The following HCRTR2 variants were observed in gnomAD, a reference collection of about 807,000 sequenced individuals.
The protein encoded by HCRTR2 is hypocretin receptor 2.
Under a neutral mutation model 49.0 loss-of-function variants are expected in HCRTR2, and 22 were observed. The ratio of observed to expected loss-of-function variants is 0.45; its 90% CI spans 0.32 to 0.64. The LOEUF is 0.64. Among genes scored for constraint, HCRTR2 ranks in the 30% least tolerant of loss-of-function variants. The pLI, the probability that HCRTR2 is intolerant of heterozygous loss-of-function variation, is 0.04. For missense variants in HCRTR2, 491 were observed against 559.4 expected, an observed-to-expected ratio of 0.88 and a Z score of 1.23; for synonymous variants, 236 against 205.3, an observed-to-expected ratio of 1.15 and a Z score of -1.28.
intron 4 of HCRTR2, among the ~76,000 whole-genome samples, chr6:55,274,004 A>T (rs1270060781): frequency 6.6e-6 from 1 of 151,892 alleles, no homozygotes; most frequent in Non-Finnish European, 1.5e-5. Flanking sequence ...TTCTTTTTTT[A>T]AATTGCTTTG....
chr6:55,185,777 C>T (rs1190686254), intron 1 of HCRTR2, among the ~76,000 whole-genome samples: 1 of 152,168 alleles, frequency 6.6e-6, no homozygotes, highest in African/African-American at 2.4e-5. Flanking sequence ...AACAGCCAAA[C>T]AAGAAGGCGC....
At chr6:55,169,626 C>T (rs7756097), upstream of HCRTR2, among the ~76,000 whole-genome samples, 71,994 of 151,910 alleles carry the variant, frequency 0.47, 18,114 homozygotes, top group East Asian at 0.81. Flanking sequence ...CCTAGAGGTG[C>T]CAGATAACTT....
intron 1 of HCRTR2, among the ~76,000 whole-genome samples, chr6:55,208,576 C>T (rs979984566): frequency 1.3e-5 from 2 of 151,576 alleles, no homozygotes; most frequent in African/African-American, 4.8e-5. Context: ...AAGATTATGT[C>T]TTTTGATGGA....
intron 1 of HCRTR2, among the ~76,000 whole-genome samples, chr6:55,121,083 G>T (rs1042214198): frequency 2.0e-5 from 3 of 152,026 alleles, no homozygotes; most frequent in African/African-American, 7.2e-5. Flanking sequence ...CCAATTTCAT[G>T]ATATTGATTC....
At chr6:55,197,445 A>G (rs537311447) in intron 1 of HCRTR2, among the ~76,000 whole-genome samples, 37 of 152,134 alleles carry the variant, frequency 2.4e-4, no homozygotes, top group Middle Eastern at 6.8e-3. Context: ...TTATCTTGAA[A>G]CTCAACCTTT....
intron 1 of HCRTR2, 149 bp downstream of exon 1, chr6:55,174,959 A>G (rs907677435): frequency 2.1e-5 from 13 of 627,558 alleles, no homozygotes; most frequent in Non-Finnish European, 3.7e-5. Context: ...AATAATAATA[A>G]TAATAGAAAG....
At chr6:55,153,652 T>A (rs1013128389) in intron 1 of HCRTR2, among the ~76,000 whole-genome samples, 6 of 151,960 alleles carry the variant, frequency 3.9e-5, no homozygotes, top group Admixed American at 1.3e-4. Context: ...AAGTGTGATA[T>A]CTCTAGCTGT....
In HCRTR2 at chr6:55,243,251, G is replaced by A. The variant is rs916267043; in HGVS notation, c.224-5388G>A. Reference sequence around the variant, plus strand: ...TTCTTGCCTTCTGCTATCCTCTTTTGCCCTCATTTGCTCAATTATTCCTCA... The same window carrying A: ...TTCTTGCCTTCTGCTATCCTCTTTTACCCTCATTTGCTCAATTATTCCTCA... On this transcript the variant is annotated intron_variant, in intron 1 of 6. Transcript: ENST00000370862. Among the ~76,000 whole-genome samples, 6 of 152,258 alleles carry A rather than the reference G, an allele frequency of 3.9e-5. No individual in the cohort carries two copies. In the South Asian group the frequency reaches 8.3e-4, roughly 21 times the overall value.
At chr6:55,197,161 T>C (rs988238443) in intron 1 of HCRTR2, among the ~76,000 whole-genome samples, 1 of 152,166 alleles carries the variant, frequency 6.6e-6, no homozygotes, top group Admixed American at 6.5e-5. Context: ...ATTTTATCTC[T>C]ATACCCAACT....
chr6:55,245,296 T>C lies in HCRTR2; in HGVS notation c.224-3343T>C, dbSNP rs190289797. On this transcript the variant is annotated intron_variant, in intron 1 of 6. Transcript: ENST00000370862. ...CCAATAGCTTTCTTTATAAATATCT[T>C]TTTTTCTTTTTATTTCTTCTTAGGA... 4.0e-5 allele frequency among the ~76,000 whole-genome samples: 6 copies of C among 149,936 alleles called. No homozygotes were observed. The Admixed American group carries it at 4.0e-4, about 10-fold the overall frequency.
intron 1 of HCRTR2, among the ~76,000 whole-genome samples, chr6:55,160,346 T>C (rs1024240449): frequency 1.4e-4 from 22 of 152,030 alleles, no homozygotes; most frequent in African/African-American, 5.3e-4. Flanking sequence ...GCACTAAATA[T>C]GAAAAGGAAA....
rs555106638 is a variant in HCRTR2, at chr6:55,278,558, T to G, written c.983+958T>G. Among the ~76,000 whole-genome samples, 4 of 152,162 alleles carry G rather than the reference T, an allele frequency of 2.6e-5. No individual in the cohort carries two copies. In the South Asian group the frequency reaches 8.3e-4, roughly 32 times the overall value. ...TTTGATGGTTTAACGGCTTTTTCAA[T>G]GGAGAAGAAATGGAGAACAAACTTC... On this transcript the variant is annotated intron_variant, in intron 5 of 6. Transcript: ENST00000370862.
At chr6:55,247,993 G>A (rs1766478290) in intron 1 of HCRTR2, among the ~76,000 whole-genome samples, 1 of 152,058 alleles carries the variant, frequency 6.6e-6, no homozygotes, top group Non-Finnish European at 1.5e-5. Context: ...TATTTTGTGA[G>A]CCCATATGTC....
At chr6:55,237,877 AC>A (rs1238187167) in intron 1 of HCRTR2, among the ~76,000 whole-genome samples, 1 of 152,194 alleles carries the variant, frequency 6.6e-6, no homozygotes, top group East Asian at 1.9e-4. Flanking sequence ...GATATTCTCA[AC>A]CAGGAGTATG....
intron 4 of HCRTR2, among the ~76,000 whole-genome samples, chr6:55,267,483 A>G (rs1766882688): frequency 7.5e-6 from 1 of 133,112 alleles, no homozygotes; most frequent in African/African-American, 2.9e-5. Context: ...TTATTTTTTT[A>G]AAGAACTTAG....
chr6:55,226,327 GA>G (rs770327372), intron 1 of HCRTR2, among the ~76,000 whole-genome samples: 17 of 151,616 alleles, frequency 1.1e-4, no homozygotes, highest in Non-Finnish European at 1.5e-5. Flanking sequence ...TTTTTCTTTT[GA>G]GACAAAGTCT....
intron 3 of HCRTR2, among the ~76,000 whole-genome samples, chr6:55,259,050 T>G (rs1766706160): frequency 6.6e-6 from 1 of 152,104 alleles, no homozygotes; most frequent in Admixed American, 6.6e-5. Context: ...GACACCATCT[T>G]CAAAAAGAGA....
intron 6 of HCRTR2, among the ~76,000 whole-genome samples, chr6:55,280,804 T>C (rs1312752790): frequency 2.6e-5 from 4 of 152,224 alleles, no homozygotes; most frequent in Non-Finnish European, 5.9e-5. Context: ...CCAAAATGTG[T>C]AGCCTAATTG....
intron 1 of HCRTR2, among the ~76,000 whole-genome samples, chr6:55,133,603 G>A (rs1360769595): frequency 6.6e-6 from 1 of 151,780 alleles, no homozygotes; most frequent in Non-Finnish European, 1.5e-5. Flanking sequence ...ATGAAACATT[G>A]TACGTTCTAA....
Sources: allele counts gnomAD v4.1 joint callset (sites outside exome capture counted in the v4.1 genomes callset), GRCh38; gene constraint gnomAD v4.1.1; transcripts MANE v1.5; gene names NCBI Gene and HGNC (gene_info 2026-07-23, HGNC 2026-07-21).